Variants in UACA observed in about 807,000 individuals in gnomAD.
UACA encodes the protein nuclear membrane binding protein.
UACA carries 112 observed loss-of-function variants against 160.5 expected under a neutral mutation model. That is an observed-to-expected ratio of 0.70 (90% CI 0.60 to 0.82). UACA has a LOEUF of 0.82. Among genes scored for constraint, UACA ranks in the 40% least tolerant of loss-of-function variants. UACA has a pLI of 0.00. For synonymous variants in UACA, 557 were observed against 568.4 expected (o/e 0.98, Z 0.29); for missense variants, 1,574 against 1,614.6 (o/e 0.97, Z 0.43).
intron 1 of UACA, chr15:70,749,110 A>G (rs947962821): frequency 3.8e-5 from 11 of 287,694 alleles, no homozygotes; most frequent in Non-Finnish European, 7.1e-5. Flanking sequence ...TTTATTATAC[A>G]TATATAGAGT....
intron 15 of UACA, among the ~76,000 whole-genome samples, chr15:70,669,862 G>A (rs1897076051): frequency 6.6e-6 from 1 of 152,108 alleles, no homozygotes; most frequent in Non-Finnish European, 1.5e-5. Context: ...TTTAAATTCT[G>A]AAGAAAACCA....
intron 13 of UACA, among the ~76,000 whole-genome samples, chr15:70,673,770 C>CT (rs1454403538): frequency 6.6e-6 from 1 of 152,126 alleles, no homozygotes; most frequent in Non-Finnish European, 1.5e-5. Flanking sequence ...ACAGTAATTC[C>CT]TTTGACAGTT....
chr15:70,719,319 A>G (rs1378836234), intron 1 of UACA, among the ~76,000 whole-genome samples: 1 of 152,242 alleles, frequency 6.6e-6, no homozygotes, highest in African/African-American at 2.4e-5. Context: ...AGACCAAATC[A>G]TAAGTGTAGC....
intron 18 of UACA, among the ~76,000 whole-genome samples, chr15:70,658,693 C>G (rs370690824): frequency 6.6e-6 from 1 of 152,018 alleles, no homozygotes; most frequent in Non-Finnish European, 1.5e-5. Flanking sequence ...ATTAAAATAC[C>G]GCACCCCCTC....
chr15:70,759,735 T>C (rs1331009092), intron 1 of UACA, among the ~76,000 whole-genome samples: 1 of 152,186 alleles, frequency 6.6e-6, no homozygotes, highest in Non-Finnish European at 1.5e-5. Context: ...CATCTCCAGA[T>C]TTGCTAGTAA....
At chr15:70,705,716 G>A (rs1355390648) in intron 1 of UACA, among the ~76,000 whole-genome samples, 1 of 151,874 alleles carries the variant, frequency 6.6e-6, no homozygotes, top group African/African-American at 2.4e-5. Context: ...AATACGGCAA[G>A]ATTAAAAAGA....
intron 3 of UACA, among the ~76,000 whole-genome samples, chr15:70,692,950 G>C (rs1291470998): frequency 6.6e-6 from 1 of 152,060 alleles, no homozygotes; most frequent in Admixed American, 6.6e-5. Context: ...GGTCTTTCAG[G>C]TTTTTCAATA....
chr15:70,668,152 G>A lies in UACA; in HGVS notation c.2532C>T (p.Leu844=). 6.2e-7 allele frequency: 1 copy of A among 1,613,216 alleles called. No homozygotes were observed. Among genetic ancestry groups the A allele is most frequent in the Non-Finnish European group, 8.5e-7 (1 of 1,179,832 alleles). The part of the protein sequence containing the change: ...CGEDQEKIHA[L]TSENTNLKKM... ...TCTTCAAGTTAGTGTTTTCAGATGT[G>A]AGAGCGTGTATTTTCTCCTGGTCTT... Residue 844 remains leucine, a synonymous_variant, in exon 16 of 19, where the codon CTC becomes CTT. Coordinates refer to ENST00000322954, the MANE Select transcript of UACA (RefSeq NM_018003.4).
intron 17 of UACA, among the ~76,000 whole-genome samples, chr15:70,663,166 G>GA (rs1307042052): frequency 6.6e-6 from 1 of 151,880 alleles, no homozygotes; most frequent in East Asian, 1.9e-4. Flanking sequence ...ACATTTACAA[G>GA]AAAAAAACAA....
At chr15:70,768,262 T>A (rs1439169846), upstream of UACA, 2 of 152,224 alleles carry the variant, frequency 1.3e-5, no homozygotes, top group African/African-American at 4.8e-5. Flanking sequence ...AGTTTACCAC[T>A]TATCTTCCAA....
In UACA at chr15:70,673,942, G is replaced by C. The variant is rs138674721; in HGVS notation, c.1132-1941C>G. ...AGAGGCATGATCTCGGCTCATTGCA[G>C]CCTCCACCTCCTGGGTTCAAGTGAT... is the stretch of plus-strand genomic sequence containing the variant. On this transcript the variant is annotated intron_variant, in intron 13 of 18. Transcript: ENST00000322954. Among the ~76,000 whole-genome samples, 344 of 152,182 alleles carry C rather than the reference G, an allele frequency of 2.3e-3. 2 individuals carry two copies. The highest frequency in any genetic ancestry group is 8.2e-3 in the African/African-American group (339 of 41,516).
At chr15:70,706,018 TAATC>T (rs1898513204) in intron 1 of UACA, among the ~76,000 whole-genome samples, 1 of 152,120 alleles carries the variant, frequency 6.6e-6, no homozygotes, top group Non-Finnish European at 1.5e-5. Flanking sequence ...GCTTCAAAAA[TAATC>T]AAAACAATCA....
In UACA at chr15:70,668,978, T is replaced by G; in HGVS notation, c.1706A>C (p.Gln569Pro). The change falls in exon 16 of 19, where the codon CAA becomes CCA. Residue 569 changes from glutamine (Q) to proline (P), a missense_variant. Physicochemically the swap from Gln to Pro is moderately conservative, Grantham distance 76. Transcript: ENST00000322954. The part of the protein sequence containing the change: ...EVGKLRNQIK[Q>P]NEMIVEEFKR... ...AAACTCTTCTACTATCATCTCATTT[T>G]GTTTGATTTGGTTTCTTAATTTCCC... 6.2e-7 allele frequency: 1 copy of G among 1,613,954 alleles called. No individual in the cohort carries two copies. The highest frequency in any genetic ancestry group is 1.1e-5 in the South Asian group (1 of 91,082).
At chr15:70,735,429 T>C (rs1215684572) in intron 1 of UACA, among the ~76,000 whole-genome samples, 2 of 152,042 alleles carry the variant, frequency 1.3e-5, no homozygotes, top group South Asian at 2.1e-4. Context: ...GGAATATATC[T>C]GAGAAGCTAA....
intron 11 of UACA, 55 bp from the exon 12 acceptor site, chr15:70,677,195 G>C: frequency 7.5e-7 from 1 of 1,333,114 alleles, no homozygotes. Context: ...ATTTTAAAAG[G>C]CATGAACTTG....
At chr15:70,698,070 A>AAAAATAAG (rs1433392582) in intron 2 of UACA, among the ~76,000 whole-genome samples, 1 of 152,146 alleles carries the variant, frequency 6.6e-6, no homozygotes, top group Non-Finnish European at 1.5e-5. Flanking sequence ...AAAAAAATAA[A>AAAAATAAG]AAAAATTCTA....
intron 1 of UACA, among the ~76,000 whole-genome samples, chr15:70,738,847 C>A (rs2141000383): frequency 6.6e-6 from 1 of 152,276 alleles, no homozygotes; most frequent in East Asian, 1.9e-4. Flanking sequence ...TGGGCTGGGC[C>A]AGGTATAGTA....
At position 70,763,339 on chromosome 15, in the gene UACA, G is replaced by C; in HGVS notation, c.69C>G (p.Ala23=). 1 of 1,333,714 alleles carries C rather than the reference G, an allele frequency of 7.5e-7. No individual in the cohort carries two copies. Among genetic ancestry groups the C allele is most frequent in the Non-Finnish European group, 9.6e-7 (1 of 1,036,584 alleles). The allele number at this position is 1,333,714 out of a possible 1,614,324, so 82.6% of individuals were successfully genotyped here. A position where few individuals can be genotyped will look rare whatever the true frequency, so the allele number is the denominator to read the frequency against. The change falls in exon 1 of 19, where the codon GCC becomes GCG. Residue 23 remains alanine (A), a synonymous_variant. Coordinates refer to ENST00000322954, the MANE Select transcript of UACA (RefSeq NM_018003.4). Reference sequence around the variant, plus strand: ...GGACCGCGGGACTCACCGCGCTGGCGGCGGCGGCGCCAGACGACGCGGGGC... The same window carrying C: ...GGACCGCGGGACTCACCGCGCTGGCCGCGGCGGCGCCAGACGACGCGGGGC... ...VPGPASSGAA[A]ASAHAADWNK...
chr15:70,749,640 A>C (rs1379334348), intron 1 of UACA, among the ~76,000 whole-genome samples: 1 of 147,248 alleles, frequency 6.8e-6, no homozygotes, highest in Non-Finnish European at 1.5e-5. Context: ...CGGAGCTTGC[A>C]GTGAGCAGAG....
Sources: allele counts gnomAD v4.1 joint callset (sites outside exome capture counted in the v4.1 genomes callset), GRCh38; gene constraint gnomAD v4.1.1; transcripts MANE v1.5; gene names NCBI Gene and HGNC (gene_info 2026-07-23, HGNC 2026-07-21).